Variants in CTNNA3 observed in about 807,000 individuals in gnomAD.
The protein encoded by CTNNA3 is catenin alpha 3, also known as catenin alpha-3.
In CTNNA3, 76 loss-of-function variants were observed where a neutral mutation model predicts 95.7. The observed-to-expected ratio is 0.79, with a 90% CI of 0.66 to 0.96. The LOEUF (loss-of-function observed/expected upper bound fraction) is 0.96. Ranked by LOEUF, CTNNA3 falls within the 40% of genes least tolerant of loss-of-function variation. CTNNA3 has a pLI of 0.00. For missense variants in CTNNA3, 1,191 were observed against 1,089.8 expected (o/e 1.09, Z -1.31); for synonymous variants, 431 against 374.4 (o/e 1.15, Z -1.74).
At chr10:66,120,408 G>C (rs7919537) in intron 13 of CTNNA3, among the ~76,000 whole-genome samples, 7,270 of 152,194 alleles carry the variant, frequency 0.048, 212 homozygotes, top group African/African-American at 0.065. Context: ...AGTTAATACT[G>C]TTAGAATTAC....
rs377204695 is a variant in CTNNA3, at chr10:66,006,242, T to C, written c.2160-17445A>G. Among the ~76,000 whole-genome samples, 4 of 152,106 alleles carry C rather than the reference T, an allele frequency of 2.6e-5. No individual in the cohort carries two copies. The East Asian group carries it at 5.8e-4, about 22-fold the overall frequency. On this transcript the variant is annotated intron_variant, in intron 15 of 17. Coordinates refer to ENST00000433211, the MANE Select transcript of CTNNA3 (RefSeq NM_013266.4). ...GTTAGCCAGGATAGTCTCGATCTCC[T>C]GACCTCGTGATCCGCCCGCCTCGGC...
At chr10:66,795,857 C>CT (rs1208866371) in intron 7 of CTNNA3, among the ~76,000 whole-genome samples, 1 of 152,176 alleles carries the variant, frequency 6.6e-6, no homozygotes, top group African/African-American at 2.4e-5. Context: ...AAGCTGGCTT[C>CT]TTTCCTTAGA....
chr10:66,115,944 G>A (rs977019024), intron 13 of CTNNA3, among the ~76,000 whole-genome samples: 1 of 151,904 alleles, frequency 6.6e-6, no homozygotes, highest in African/African-American at 2.4e-5. Context: ...TATTATTCAA[G>A]GTTACTGGAT....
At chr10:66,553,912 G>C (rs938889496) in intron 10 of CTNNA3, among the ~76,000 whole-genome samples, 3 of 151,970 alleles carry the variant, frequency 2.0e-5, no homozygotes, top group Non-Finnish European at 4.4e-5. Context: ...CTGAATTATA[G>C]GCTATTTTTG....
intron 7 of CTNNA3, among the ~76,000 whole-genome samples, chr10:67,148,157 G>A (rs1860928074): frequency 6.6e-6 from 1 of 152,022 alleles, no homozygotes. Context: ...GATCCCACTG[G>A]GGAAAAATTG....
intron 9 of CTNNA3, among the ~76,000 whole-genome samples, chr10:66,692,261 T>C (rs1847576807): frequency 6.6e-6 from 1 of 152,048 alleles, no homozygotes; most frequent in South Asian, 2.1e-4. Context: ...TAAAGAGAAG[T>C]GCTTAAAGGA....
chr10:67,460,412 GA>G (rs1847331303), intron 5 of CTNNA3, among the ~76,000 whole-genome samples: 1 of 152,122 alleles, frequency 6.6e-6, no homozygotes, highest in Admixed American at 6.6e-5. Flanking sequence ...TGGTTTAAGA[GA>G]ATTTTTTAAA....
intron 3 of CTNNA3, among the ~76,000 whole-genome samples, chr10:67,543,233 G>A (rs1338404548): frequency 1.3e-5 from 2 of 151,856 alleles, no homozygotes; most frequent in Non-Finnish European, 2.9e-5. Context: ...AGGTACTAGA[G>A]TATATAGTCT....
chr10:66,127,806 A>C (rs999797002), intron 13 of CTNNA3, among the ~76,000 whole-genome samples: 1 of 152,150 alleles, frequency 6.6e-6, no homozygotes, highest in African/African-American at 2.4e-5. Flanking sequence ...GTAAAACTAG[A>C]ACTGTTTTGC....
intron 5 of CTNNA3, among the ~76,000 whole-genome samples, chr10:67,470,034 TATTC>T (rs889289817): frequency 1.3e-5 from 2 of 152,172 alleles, no homozygotes; most frequent in Non-Finnish European, 2.9e-5. Flanking sequence ...TACTAGGTCT[TATTC>T]ATTCTTTCTA....
At chr10:66,890,711 T>C (rs568294231) in intron 7 of CTNNA3, among the ~76,000 whole-genome samples, 2 of 152,064 alleles carry the variant, frequency 1.3e-5, no homozygotes, top group Non-Finnish European at 2.9e-5. Flanking sequence ...GCAGTTGTGG[T>C]TTAAGGAAGG....
At chr10:65,943,406 A>G (rs982330883) in intron 17 of CTNNA3, among the ~76,000 whole-genome samples, 3 of 152,236 alleles carry the variant, frequency 2.0e-5, no homozygotes, top group African/African-American at 7.2e-5. Context: ...TATACAAAGC[A>G]CAACTGTACA....
intron 5 of CTNNA3, among the ~76,000 whole-genome samples, chr10:67,284,369 T>C (rs1839513307): frequency 6.6e-6 from 1 of 152,312 alleles, no homozygotes; most frequent in Non-Finnish European, 1.5e-5. Flanking sequence ...AAGAAGCATC[T>C]TTAAAGTAAT....
chr10:66,970,055 C>T (rs1479531417), intron 7 of CTNNA3, among the ~76,000 whole-genome samples: 2 of 152,116 alleles, frequency 1.3e-5, no homozygotes, highest in African/African-American at 4.8e-5. Flanking sequence ...AGGTTTAATG[C>T]GTGGCACCTA....
intron 11 of CTNNA3, among the ~76,000 whole-genome samples, chr10:66,396,326 A>T (rs1232394663): frequency 6.6e-6 from 1 of 152,046 alleles, no homozygotes; most frequent in East Asian, 1.9e-4. Flanking sequence ...CCTTTTAGTT[A>T]TATTGAACCA....
chr10:67,131,677 G>A (rs1860014775), intron 7 of CTNNA3, among the ~76,000 whole-genome samples: 1 of 151,978 alleles, frequency 6.6e-6, no homozygotes, highest in African/African-American at 2.4e-5. Flanking sequence ...TTATCACAGA[G>A]CTGGGCATAT....
At chr10:66,906,903 C>G (rs1846010201) in intron 7 of CTNNA3, among the ~76,000 whole-genome samples, 1 of 152,068 alleles carries the variant, frequency 6.6e-6, no homozygotes, top group East Asian at 1.9e-4. Flanking sequence ...ACTGCTGACA[C>G]TGAGCCTGAG....
At chr10:66,328,891 TAC>T (rs1229550025) in intron 12 of CTNNA3, among the ~76,000 whole-genome samples, 3 of 121,746 alleles carry the variant, frequency 2.5e-5, no homozygotes, top group Admixed American at 9.3e-5. Flanking sequence ...TTCATACACA[TAC>T]ACACACACAC....
rs868499605 is a variant in CTNNA3 at position 66,367,907 on chromosome 10, T to A, written c.1732+11245A>T. ...TTATTATTATTATTATTATTATTATTATTATTATTATTATTATTATTTTCT... is the reference window on the plus strand; with the variant it reads ...TTATTATTATTATTATTATTATTATAATTATTATTATTATTATTATTTTCT... On this transcript the variant is annotated intron_variant, in intron 12 of 17. Coordinates refer to ENST00000433211, the MANE Select transcript of CTNNA3 (RefSeq NM_013266.4). Among the ~76,000 whole-genome samples, 68 of 101,304 alleles carry A rather than the reference T, an allele frequency of 6.7e-4. 1 individual carries two copies. Among genetic ancestry groups the A allele is most frequent in the Non-Finnish European group, 7.9e-4 (37 of 47,014 alleles). 66.5% of individuals were successfully genotyped at this position (101,304 alleles called of 152,430 possible).
Sources: allele counts gnomAD v4.1 joint callset (sites outside exome capture counted in the v4.1 genomes callset), GRCh38; gene constraint gnomAD v4.1.1; transcripts MANE v1.5; gene names NCBI Gene and HGNC (gene_info 2026-07-23, HGNC 2026-07-21).